Variants in CDYL observed in about 807,000 individuals in gnomAD.
CDYL encodes the protein chromodomain Y-like protein.
A neutral mutation model predicts 47.3 loss-of-function variants in CDYL; 8 were observed. That is an observed-to-expected ratio of 0.17 (90% CI 0.10 to 0.31). CDYL has a LOEUF of 0.31. CDYL is among the 10% of genes least tolerant of loss of function. CDYL has a pLI of 1.00. For synonymous variants in CDYL, 266 were observed against 265.0 expected (o/e 1.00, Z -0.04); for missense variants, 471 against 701.4 (o/e 0.67, Z 3.71).
Position 4,931,429 on chromosome 6 carries a change from A to C in CDYL, c.692-4086A>C, listed in dbSNP as rs367588521. Among the ~76,000 whole-genome samples, 4 of 152,260 alleles carry C rather than the reference A, an allele frequency of 2.6e-5. No homozygotes were observed. In the East Asian group the frequency reaches 7.7e-4, roughly 29 times the overall value. On this transcript the variant is annotated intron_variant, in intron 2 of 6. Transcript: ENST00000397588. ...GAGCTGCCGTCCAGATGAGCAGAAG[A>C]AACTGGCCATTTGAATTCCAGGTCA...
At chr6:4,734,644 A>T in intron 2 of CDYL, 1 of 1,345,174 alleles carries the variant, frequency 7.4e-7, no homozygotes, top group Non-Finnish European at 9.9e-7. Context: ...TAGACTCCTA[A>T]TTCAGGAAGG....
Position 4,954,987 on chromosome 6 carries a change from AGT to A in CDYL, c.*934_*935del, listed in dbSNP as rs1758824257. 1.3e-5 allele frequency: 2 copies of A among 152,454 alleles called. No homozygotes were observed. The highest frequency in any genetic ancestry group is 6.5e-5 in the Admixed American group (1 of 15,292). 9.4% of individuals were successfully genotyped at this position (152,454 alleles called of 1,614,324 possible). ...AAATAAAATATTTTTATGTTTATAAAGTGTAATTTTTAGGTTCACTTAGAATA... is the reference window on the plus strand; with the variant it reads ...AAATAAAATATTTTTATGTTTATAAAGTAATTTTTAGGTTCACTTAGAATA... On this transcript the variant is annotated 3_prime_UTR_variant, in exon 7 of 7. Coordinates refer to ENST00000397588, the MANE Select transcript of CDYL (RefSeq NM_004824.4).
chr6:4,890,091 T>C, intron 1 of CDYL: 1 of 985,422 alleles, frequency 1.0e-6, no homozygotes. Context: ...TCTGGTTTAG[T>C]ATACTGCCCG....
At chr6:4,806,364 A>T (rs1759369719) in intron 1 of CDYL, among the ~76,000 whole-genome samples, 1 of 152,228 alleles carries the variant, frequency 6.6e-6, no homozygotes, top group African/African-American at 2.4e-5. Context: ...CATCTTTCCA[A>T]AATGTGAAAT....
intron 1 of CDYL, among the ~76,000 whole-genome samples, chr6:4,837,426 A>G (rs1760350996): frequency 6.6e-6 from 1 of 151,832 alleles, no homozygotes; most frequent in Non-Finnish European, 1.5e-5. Flanking sequence ...TCACCTGTAC[A>G]TTACAAAAAT....
In CDYL at chr6:4,932,265, C is replaced by A. The variant is rs1758053559; in HGVS notation, c.692-3250C>A. ...ATAATTCTGGAGAGAACCCTAAGATCAGGGTGCCAGCAGGTTCAGGGTCTG... is the reference window on the plus strand; with the variant it reads ...ATAATTCTGGAGAGAACCCTAAGATAAGGGTGCCAGCAGGTTCAGGGTCTG... On this transcript the variant is annotated intron_variant, in intron 2 of 6. Coordinates refer to ENST00000397588, the MANE Select transcript of CDYL (RefSeq NM_004824.4). Among the ~76,000 whole-genome samples, 7 of 152,214 alleles carry A rather than the reference C, an allele frequency of 4.6e-5. No homozygotes were observed. The South Asian group carries it at 1.5e-3, about 32-fold the overall frequency.
intron 3 of CDYL, among the ~76,000 whole-genome samples, chr6:4,747,714 C>A (rs1348989606): frequency 1.3e-5 from 2 of 152,180 alleles, no homozygotes; most frequent in South Asian, 4.1e-4. Context: ...AACTGTTTCT[C>A]ACCAGTGCAA....
chr6:4,771,490 A>G (rs1376418733), upstream of CDYL, among the ~76,000 whole-genome samples: 2 of 152,098 alleles, frequency 1.3e-5, no homozygotes, highest in South Asian at 4.2e-4. Context: ...GAGAACTTCT[A>G]CACTAGACAA....
At chr6:4,777,171 G>A (rs1342373307) in intron 1 of CDYL, among the ~76,000 whole-genome samples, 1 of 114,766 alleles carries the variant, frequency 8.7e-6, no homozygotes, top group Non-Finnish European at 1.8e-5. Flanking sequence ...GGTGGGGTGT[G>A]GGGGGGTTTC....
chr6:4,783,280 C>T (rs920782469), intron 1 of CDYL, among the ~76,000 whole-genome samples: 6 of 150,084 alleles, frequency 4.0e-5, no homozygotes, highest in African/African-American at 1.5e-4. Flanking sequence ...ATTATCTGGA[C>T]ATGTCTTTAT....
intron 1 of CDYL, among the ~76,000 whole-genome samples, chr6:4,797,078 A>G (rs1469447783): frequency 6.6e-6 from 1 of 152,208 alleles, no homozygotes; most frequent in Non-Finnish European, 1.5e-5. Flanking sequence ...GGATATTGGC[A>G]TTCTTCACCT....
In CDYL at chr6:4,800,420, A is replaced by G. The variant is rs185466393; in HGVS notation, c.24+23613A>G. Among the ~76,000 whole-genome samples, 6 of 152,250 alleles carry G rather than the reference A, an allele frequency of 3.9e-5. No individual in the cohort carries two copies. In the South Asian group the frequency reaches 1.0e-3, roughly 26 times the overall value. On this transcript the variant is annotated intron_variant, in intron 1 of 6. Coordinates refer to ENST00000397588, the MANE Select transcript of CDYL (RefSeq NM_004824.4). The stretch of plus-strand genomic sequence containing the variant: ...TATTATTGTCACAGTTGTTGCATTT[A>G]TATACTTTGTAAACCCATCAGTAGT...
At chr6:4,888,386 C>T (rs1761954463) in intron 1 of CDYL, among the ~76,000 whole-genome samples, 1 of 151,872 alleles carries the variant, frequency 6.6e-6, no homozygotes, top group Non-Finnish European at 1.5e-5. Context: ...TTGTATATTT[C>T]TAGGAATTTG....
chr6:4,865,822 T>C (rs1298250961), intron 1 of CDYL, among the ~76,000 whole-genome samples: 3 of 152,232 alleles, frequency 2.0e-5, no homozygotes, highest in Non-Finnish European at 4.4e-5. Context: ...GCCAACATAA[T>C]TTTAGATCTC....
chr6:4,909,728 G>A (rs969402810), intron 2 of CDYL, among the ~76,000 whole-genome samples: 9 of 151,468 alleles, frequency 5.9e-5, no homozygotes, highest in East Asian at 1.9e-4. Context: ...CCACCACCAC[G>A]CCTGGCTATT....
At chr6:4,761,179 C>T (rs770506022) in intron 3 of CDYL, among the ~76,000 whole-genome samples, 6 of 152,216 alleles carry the variant, frequency 3.9e-5, no homozygotes, top group Middle Eastern at 3.4e-3. Flanking sequence ...AAGCTCTTGG[C>T]GGCAGATAAA....
intron 1 of CDYL, among the ~76,000 whole-genome samples, chr6:4,878,985 A>T (rs1013604527): frequency 6.6e-6 from 1 of 152,010 alleles, no homozygotes; most frequent in Non-Finnish European, 1.5e-5. Context: ...AAAATTTACT[A>T]ATTGCTTATT....
chr6:4,907,232 G>A (rs987541314), intron 2 of CDYL, among the ~76,000 whole-genome samples: 19 of 152,026 alleles, frequency 1.2e-4, no homozygotes, highest in Admixed American at 1.1e-3. Flanking sequence ...AGAAAGGGGA[G>A]ATGGGGGGAA....
intron 1 of CDYL, among the ~76,000 whole-genome samples, chr6:4,782,422 T>C (rs1300314860): frequency 6.6e-6 from 1 of 152,154 alleles, no homozygotes; most frequent in Non-Finnish European, 1.5e-5. Context: ...AGGTTCCTCC[T>C]CCCCTAAGCA....
Sources: gnomAD v4.1 joint callset for allele counts (sites outside exome capture counted in the v4.1 genomes callset) on GRCh38, gnomAD v4.1.1 for gene constraint, MANE v1.5 for transcripts, NCBI Gene and HGNC (gene_info 2026-07-23, HGNC 2026-07-21) for gene names.